The following PTPRM variants were observed in gnomAD, a reference collection of about 807,000 sequenced individuals.
PTPRM encodes the protein receptor-type tyrosine-protein phosphatase mu.
A neutral mutation model predicts 186.7 loss-of-function variants in PTPRM; 47 were observed. The observed-to-expected ratio is 0.25, with a 90% CI of 0.20 to 0.32. The LOEUF (loss-of-function observed/expected upper bound fraction) is 0.32, where lower values mean the gene tolerates loss of function less well. PTPRM is among the 10% of genes least tolerant of loss of function. The pLI, the probability that PTPRM is intolerant of heterozygous loss-of-function variation, is 1.00. For missense variants in PTPRM, 1,494 were observed against 1,865.0 expected, an observed-to-expected ratio of 0.80 and a Z score of 3.66; for synonymous variants, 668 against 674.9, an observed-to-expected ratio of 0.99 and a Z score of 0.16.
intron 2 of PTPRM, among the ~76,000 whole-genome samples, chr18:7,820,463 A>G (rs1290714657): frequency 1.1e-4 from 16 of 152,136 alleles, no homozygotes; most frequent in Non-Finnish European, 4.4e-5. Context: ...ACTTTACACA[A>G]ACTTGCTTTA....
chr18:8,182,755 A>G (rs183839086), intron 14 of PTPRM, among the ~76,000 whole-genome samples: 85 of 152,338 alleles, frequency 5.6e-4, no homozygotes, highest in African/African-American at 1.8e-3. Flanking sequence ...TTGGAAAACT[A>G]ATACATGTTT....
chr18:7,757,752 A>G lies in PTPRM; in HGVS notation c.74-16397A>G, dbSNP rs563500167. Among the ~76,000 whole-genome samples the G allele has an allele frequency of 1.1e-4, 17 of 152,258 alleles. No homozygotes were observed. In the East Asian group the frequency reaches 2.7e-3, roughly 24 times the overall value. The stretch of plus-strand genomic sequence containing the variant: ...TTAATGGATGAGTGAGCAGGAGCTT[A>G]TTGGGATGGTAGGTGAGAAGTGTCT... On this transcript the variant is annotated intron_variant, in intron 1 of 32. Coordinates refer to ENST00000580170, the MANE Select transcript of PTPRM (RefSeq NM_001105244.2).
At chr18:8,338,818 G>A (rs539480349) in intron 22 of PTPRM, among the ~76,000 whole-genome samples, 9 of 152,218 alleles carry the variant, frequency 5.9e-5, no homozygotes, top group East Asian at 1.9e-4. Context: ...CAAAAAACTC[G>A]AAAATGCCAC....
chr18:7,600,956 A>C (rs934115012), intron 1 of PTPRM, among the ~76,000 whole-genome samples: 4 of 152,226 alleles, frequency 2.6e-5, no homozygotes, highest in African/African-American at 9.6e-5. Context: ...TGAGAAACAC[A>C]GAACCTGAAT....
In PTPRM at chr18:8,406,251, A is replaced by T. The variant is rs182038635; in HGVS notation, c.*89A>T. On this transcript the variant is annotated 3_prime_UTR_variant, in exon 33 of 33. Transcript: ENST00000580170. ...TGTGCAAAAGAGATGAAGACTTCTCAATATGCTTATTTTGCTTTGCATAAT... is the reference window on the plus strand; with the variant it reads ...TGTGCAAAAGAGATGAAGACTTCTCTATATGCTTATTTTGCTTTGCATAAT... 22 of 1,249,570 alleles carry T rather than the reference A, an allele frequency of 1.8e-5. No individual in the cohort carries two copies. The East Asian group carries it at 5.2e-4, about 29-fold the overall frequency. 77.4% of individuals were successfully genotyped at this position (1,249,570 alleles called of 1,614,324 possible). A position where few individuals can be genotyped will look rare whatever the true frequency, so the allele number is the denominator to read the frequency against.
At chr18:8,235,058 G>A (rs896641614) in intron 14 of PTPRM, among the ~76,000 whole-genome samples, 4 of 152,062 alleles carry the variant, frequency 2.6e-5, no homozygotes, top group East Asian at 1.9e-4. Context: ...TTTCTGTAAT[G>A]TCTTCAGTTT....
intron 14 of PTPRM, among the ~76,000 whole-genome samples, chr18:8,242,720 T>C (rs1350456814): frequency 1.3e-5 from 2 of 152,240 alleles, no homozygotes; most frequent in African/African-American, 2.4e-5. Context: ...TAAAATATTA[T>C]TGTAACTACA....
At position 8,176,941 on chromosome 18, in the gene PTPRM, A is replaced by G. The variant is rs536605518; in HGVS notation, c.2300+33162A>G. Among the ~76,000 whole-genome samples, 5 of 152,354 alleles carry G rather than the reference A, an allele frequency of 3.3e-5. No homozygotes were observed. In the South Asian group the frequency reaches 1.0e-3, roughly 32 times the overall value. On this transcript the variant is annotated intron_variant, in intron 14 of 32. Coordinates refer to ENST00000580170, the MANE Select transcript of PTPRM (RefSeq NM_001105244.2). ...TTTGTGGATCAGATTGAGCAGAAATACATCTGCTTCTTTTCTATCTTGTCT... is the reference window on the plus strand; with the variant it reads ...TTTGTGGATCAGATTGAGCAGAAATGCATCTGCTTCTTTTCTATCTTGTCT...
At chr18:7,712,029 G>C (rs536842116) in intron 1 of PTPRM, among the ~76,000 whole-genome samples, 2 of 152,248 alleles carry the variant, frequency 1.3e-5, no homozygotes, top group East Asian at 3.9e-4. Flanking sequence ...TCCGCTAAGG[G>C]TCAGACTGCC....
At position 8,046,481 on chromosome 18, in the gene PTPRM, T is replaced by C. The variant is rs553880494; in HGVS notation, c.1133-23205T>C. Among the ~76,000 whole-genome samples, 16 of 152,298 alleles carry C rather than the reference T, an allele frequency of 1.1e-4. No homozygotes were observed. In the South Asian group the frequency reaches 2.5e-3, roughly 24 times the overall value. On this transcript the variant is annotated intron_variant, in intron 7 of 32. Coordinates refer to ENST00000580170, the MANE Select transcript of PTPRM (RefSeq NM_001105244.2). The stretch of plus-strand genomic sequence containing the variant: ...TGTATCTTGCATCTATTTTCTATCT[T>C]GTATCCATCCTGTGTCAGCACTGTT...
intron 11 of PTPRM, among the ~76,000 whole-genome samples, chr18:8,111,720 T>C (rs568335817): frequency 6.6e-6 from 1 of 152,324 alleles, no homozygotes; most frequent in Non-Finnish European, 1.5e-5. Flanking sequence ...GAATAAAAAT[T>C]CTAGATATAT....
At chr18:8,056,462 A>G (rs1029339095) in intron 7 of PTPRM, among the ~76,000 whole-genome samples, 10 of 152,122 alleles carry the variant, frequency 6.6e-5, no homozygotes, top group Non-Finnish European at 1.2e-4. Flanking sequence ...CTCCGACTCT[A>G]AACTACAAAA....
chr18:8,216,574 T>A (rs2094089271), intron 14 of PTPRM, among the ~76,000 whole-genome samples: 1 of 152,248 alleles, frequency 6.6e-6, no homozygotes, highest in African/African-American at 2.4e-5. Context: ...TTAATTTATT[T>A]TTGATCATTT....
intron 1 of PTPRM, among the ~76,000 whole-genome samples, chr18:7,735,094 T>C (rs1416510361): frequency 2.0e-5 from 3 of 152,162 alleles, no homozygotes; most frequent in African/African-American, 7.2e-5. Context: ...CTTTTGGAGT[T>C]TAGATACAAC....
chr18:7,660,623 TC>T (rs2038957444), intron 1 of PTPRM, among the ~76,000 whole-genome samples: 1 of 152,180 alleles, frequency 6.6e-6, no homozygotes, highest in African/African-American at 2.4e-5. Context: ...GCTCATGTTT[TC>T]CCTGAGTTTC....
intron 2 of PTPRM, among the ~76,000 whole-genome samples, chr18:7,788,852 C>T (rs2043208511): frequency 6.6e-6 from 1 of 152,090 alleles, no homozygotes; most frequent in Admixed American, 6.6e-5. Flanking sequence ...GAAAGGTTAC[C>T]AAGGGAATCT....
At chr18:7,850,989 G>A (rs1013521516) in intron 2 of PTPRM, among the ~76,000 whole-genome samples, 6 of 152,142 alleles carry the variant, frequency 3.9e-5, no homozygotes, top group African/African-American at 1.4e-4. Flanking sequence ...AATATTTAGA[G>A]AATTGAATGA....
chr18:8,124,121 G>A (rs970298538), intron 13 of PTPRM, among the ~76,000 whole-genome samples: 1 of 152,130 alleles, frequency 6.6e-6, no homozygotes, highest in South Asian at 2.1e-4. Flanking sequence ...ACACACAACT[G>A]CAGTGCATGG....
At chr18:8,210,088 A>G (rs1325193107) in intron 14 of PTPRM, among the ~76,000 whole-genome samples, 2 of 150,660 alleles carry the variant, frequency 1.3e-5, no homozygotes, top group East Asian at 3.9e-4. Context: ...GAGGTGGCAG[A>G]TCGCTTGAGG....
Sources: gnomAD v4.1 joint callset for allele counts (sites outside exome capture counted in the v4.1 genomes callset) on GRCh38, gnomAD v4.1.1 for gene constraint, MANE v1.5 for transcripts, NCBI Gene and HGNC (gene_info 2026-07-23, HGNC 2026-07-21) for gene names.